The following CSMD3 variants were observed in gnomAD, a reference collection of about 807,000 sequenced individuals.
CSMD3 encodes the protein CUB and sushi domain-containing protein 3.
In CSMD3, 177 loss-of-function variants were observed where a neutral mutation model predicts 435.2. The observed-to-expected ratio is 0.41, with a 90% CI of 0.36 to 0.46. CSMD3 has a LOEUF of 0.46. Among genes scored for constraint, CSMD3 ranks in the 20% least tolerant of loss-of-function variants. The pLI, the probability that CSMD3 is intolerant of heterozygous loss-of-function variation, is 0.34. For missense variants in CSMD3, 4,265 were observed against 4,504.6 expected (o/e 0.95, Z 1.52); for synonymous variants, 1,656 against 1,520.5 (o/e 1.09, Z -2.07).
intron 5 of CSMD3, among the ~76,000 whole-genome samples, chr8:113,028,049 T>A (rs2086942197): frequency 6.6e-6 from 1 of 152,260 alleles, no homozygotes; most frequent in Non-Finnish European, 1.5e-5. Flanking sequence ...GCTGTTGTTT[T>A]ACAAACTGAA....
chr8:113,258,576 T>G (rs2093402529), intron 3 of CSMD3, among the ~76,000 whole-genome samples: 1 of 152,172 alleles, frequency 6.6e-6, no homozygotes, highest in South Asian at 2.1e-4. Flanking sequence ...CTTCCCTTCA[T>G]CTTCTCTGCT....
At chr8:112,497,983 T>C (rs563939412) in intron 30 of CSMD3, among the ~76,000 whole-genome samples, 7 of 152,152 alleles carry the variant, frequency 4.6e-5, no homozygotes, top group African/African-American at 1.7e-4. Flanking sequence ...CCTGGTGGAA[T>C]TGTGTCTAAA....
At chr8:112,547,395 A>T (rs1449499611) in intron 27 of CSMD3, among the ~76,000 whole-genome samples, 1 of 152,200 alleles carries the variant, frequency 6.6e-6, no homozygotes, top group Non-Finnish European at 1.5e-5. Flanking sequence ...CAAAAAAAAA[A>T]TAAAAATTAG....
chr8:112,463,646 C>T (rs986194599), intron 32 of CSMD3, among the ~76,000 whole-genome samples: 1 of 152,128 alleles, frequency 6.6e-6, no homozygotes, highest in African/African-American at 2.4e-5. Context: ...ATCAAAGTGA[C>T]CCTGTTGTAT....
At chr8:112,801,185 T>A (rs1340565886) in intron 12 of CSMD3, among the ~76,000 whole-genome samples, 2 of 152,068 alleles carry the variant, frequency 1.3e-5, no homozygotes, top group Admixed American at 1.3e-4. Flanking sequence ...TAAGGATTGC[T>A]GGAAAATTAC....
intron 12 of CSMD3, among the ~76,000 whole-genome samples, chr8:112,820,752 T>C (rs1380418993): frequency 1.3e-5 from 2 of 151,892 alleles, no homozygotes; most frequent in African/African-American, 4.8e-5. Flanking sequence ...CAAGCCGTCA[T>C]CTAGGTTTTA....
chr8:112,813,011 T>C (rs2079270188), intron 12 of CSMD3, among the ~76,000 whole-genome samples: 1 of 152,206 alleles, frequency 6.6e-6, no homozygotes, highest in Admixed American at 6.5e-5. Flanking sequence ...AGAGAAAATG[T>C]TGTAGAAAAA....
chr8:112,792,575 C>T (rs2078718147), intron 13 of CSMD3, among the ~76,000 whole-genome samples: 1 of 152,098 alleles, frequency 6.6e-6, no homozygotes, highest in Admixed American at 6.6e-5. Context: ...ATATTCAGCT[C>T]ATAACAGATA....
intron 13 of CSMD3, among the ~76,000 whole-genome samples, chr8:112,691,826 T>C (rs912626247): frequency 1.3e-5 from 2 of 151,962 alleles, no homozygotes; most frequent in Admixed American, 6.6e-5. Flanking sequence ...TGAGACAGAG[T>C]CTCTTACTCT....
intron 13 of CSMD3, among the ~76,000 whole-genome samples, chr8:112,753,335 A>C (rs2077618183): frequency 6.6e-6 from 1 of 152,190 alleles, no homozygotes; most frequent in African/African-American, 2.4e-5. Context: ...TAATGCATCT[A>C]TTGCTTTTAC....
chr8:112,689,953 G>T lies in CSMD3; in HGVS notation c.2070C>A (p.Cys690Ter), dbSNP rs2131824481. 1 of 1,613,050 alleles carries T rather than the reference G, an allele frequency of 6.2e-7. No individual in the cohort carries two copies. The highest frequency in any genetic ancestry group is 8.5e-7 in the Non-Finnish European group (1 of 1,179,266). ...CTCCAATTAATTCAAACCCAAACTG[G>T]CATTCAAACCTTAAAACATCACGAT... ...FSNRDVLRFE[C>*]QFGFELIGEK... The change falls in exon 14 of 71, where the codon TGC becomes TGA. Residue 690 changes from cysteine (C) to a stop codon, truncating the protein, a stop_gained. Transcript: ENST00000297405. LOFTEE classifies it high-confidence loss of function.
intron 3 of CSMD3, among the ~76,000 whole-genome samples, chr8:113,248,684 T>C (rs2093304695): frequency 6.6e-6 from 1 of 151,280 alleles, no homozygotes; most frequent in South Asian, 2.1e-4. Flanking sequence ...AAATTCTAAA[T>C]GAGACTTTTC....
Position 112,304,828 on chromosome 8 carries a change from T to C in CSMD3, c.8159A>G (p.Lys2720Arg), listed in dbSNP as rs2130778539. ...VNGSHYEYKT[K>R]VVFSCDPGYH... Reference sequence around the variant, plus strand: ...ACCAGGGTCACAGCTGAAAACTACTTTGGTTTTGTATTCATAATGGGAGCC... The same window carrying C: ...ACCAGGGTCACAGCTGAAAACTACTCTGGTTTTGTATTCATAATGGGAGCC... Residue 2720 changes from lysine to arginine, a missense_variant, in exon 52 of 71, where the codon AAA (lysine) becomes AGA (arginine). Transcript: ENST00000297405. 6.2e-7 allele frequency: 1 copy of C among 1,613,904 alleles called. No homozygotes were observed. The highest frequency in any genetic ancestry group is 8.5e-7 in the Non-Finnish European group (1 of 1,179,850).
chr8:113,138,510 A>G (rs535750251), intron 4 of CSMD3, among the ~76,000 whole-genome samples: 1 of 151,568 alleles, frequency 6.6e-6, no homozygotes, highest in East Asian at 1.9e-4. Context: ...AATTCATTAT[A>G]CATCTTAATA....
Position 112,701,566 on chromosome 8 carries a change from A to G in CSMD3, c.1973-11516T>C, listed in dbSNP as rs143098126. On this transcript the variant is annotated intron_variant, in intron 13 of 70. Transcript: ENST00000297405. ...GGAAAGGAAAGGATACCTTGAGTCC[A>G]CTGTTGAAAGGGAAAGGATGGTCAT... Among the ~76,000 whole-genome samples, 761 of 152,250 alleles carry G rather than the reference A, an allele frequency of 5.0e-3. 4 individuals are homozygous for G. Among genetic ancestry groups the G allele is most frequent in the African/African-American group, 0.017 (717 of 41,550 alleles).
At chr8:112,808,982 T>G (rs1226501813) in intron 12 of CSMD3, among the ~76,000 whole-genome samples, 1 of 152,170 alleles carries the variant, frequency 6.6e-6, no homozygotes, top group Non-Finnish European at 1.5e-5. Context: ...TTGCTGAGAT[T>G]AGGCAATATA....
intron 3 of CSMD3, among the ~76,000 whole-genome samples, chr8:113,247,709 T>C (rs1282818388): frequency 6.6e-6 from 1 of 152,144 alleles, no homozygotes; most frequent in Non-Finnish European, 1.5e-5. Flanking sequence ...GAATTAATTG[T>C]TACCTTCCAG....
chr8:113,121,715 A>G (rs1195237194), intron 4 of CSMD3, among the ~76,000 whole-genome samples: 1 of 152,132 alleles, frequency 6.6e-6, no homozygotes, highest in African/African-American at 2.4e-5. Flanking sequence ...TCTATCACAC[A>G]GTTAGACAGC....
intron 2 of CSMD3, among the ~76,000 whole-genome samples, chr8:113,286,354 C>A (rs1244721927): frequency 2.0e-5 from 3 of 151,840 alleles, no homozygotes; most frequent in African/African-American, 7.3e-5. Flanking sequence ...CTATCAATAA[C>A]TAATATGAAA....
Sources: allele counts gnomAD v4.1 joint callset (sites outside exome capture counted in the v4.1 genomes callset), GRCh38; gene constraint gnomAD v4.1.1; transcripts MANE v1.5; gene names NCBI Gene and HGNC (gene_info 2026-07-23, HGNC 2026-07-21).